CHID1: variants seen among roughly 807,000 people sequenced by gnomAD.
CHID1 encodes the protein chitinase domain-containing protein 1.
CHID1 carries 44 observed loss-of-function variants against 55.4 expected under a neutral mutation model. The ratio of observed to expected loss-of-function variants is 0.79; its 90% CI spans 0.62 to 1.02. The LOEUF is 1.02. Among genes scored for constraint, CHID1 ranks in the 50% least tolerant of loss-of-function variants. The probability of loss-of-function intolerance (pLI) is 0.00; values close to 1 mark genes in which losing one functional copy is unlikely to be tolerated. For synonymous variants in CHID1, 216 were observed against 212.9 expected (o/e 1.01, Z -0.13); for missense variants, 491 against 515.3 (o/e 0.95, Z 0.46).
Position 870,500 on chromosome 11 carries a change from C to T in CHID1, c.960-1G>A, listed in dbSNP as rs1392145477. On this transcript the variant is annotated splice_acceptor_variant, in intron 10 of 12. Transcript: ENST00000323578. LOFTEE classifies it high-confidence loss of function. Reference sequence around the variant, plus strand: ...GTGGTCCTTCAGTGTCTGGATGTACCTGGGGAGACCAGGATATGGATTTGG... The same window carrying T: ...GTGGTCCTTCAGTGTCTGGATGTACTTGGGGAGACCAGGATATGGATTTGG... 1.9e-6 allele frequency: 3 copies of T among 1,605,978 alleles called. No individual in the cohort carries two copies.
At chr11:885,713 C>T (rs1271102555) in intron 8 of CHID1, among the ~76,000 whole-genome samples, 1 of 152,202 alleles carries the variant, frequency 6.6e-6, no homozygotes, top group African/African-American at 2.4e-5. Flanking sequence ...CAGGTCCTCT[C>T]ACCGAAACCC....
In CHID1 at chr11:870,631, GACA is replaced by G. The variant is rs1849113121; in HGVS notation, c.960-135_960-133del. 10 of 655,522 alleles carry G rather than the reference GACA, an allele frequency of 1.5e-5. 1 individual carries two copies. The highest frequency in any genetic ancestry group is 8.8e-5 in the South Asian group (5 of 56,968). The allele number at this position is 655,522 out of a possible 1,614,324, so 40.6% of individuals were successfully genotyped here. Reference sequence around the variant, plus strand: ...AGCCACTGTCCCCAGTGGTCTGGGGGACAACACCTGGTGGGGTGGCCAGAGCCC... The same window carrying G: ...AGCCACTGTCCCCAGTGGTCTGGGGGACACCTGGTGGGGTGGCCAGAGCCC... On this transcript the variant is annotated intron_variant, in intron 10 of 12. Coordinates refer to ENST00000323578, the MANE Select transcript of CHID1 (RefSeq NM_023947.4).
intron 1 of CHID1, 33 bp from the exon 2 acceptor site, chr11:904,892 G>T (rs766124134): frequency 1.2e-6 from 2 of 1,606,530 alleles, no homozygotes; most frequent in East Asian, 4.5e-5. Flanking sequence ...TCAAACAACC[G>T]GCAGAGAAAT....
In CHID1 at chr11:888,001, G is replaced by C. The variant is rs558998191; in HGVS notation, c.702-3832C>G. On this transcript the variant is annotated intron_variant, in intron 8 of 12. Transcript: ENST00000323578. ...GCGTCCACCAGAAATGCAGCTCCAC[G>C]ACATCCCCAAGCAGGAAGGGGCAGT... Among the ~76,000 whole-genome samples the C allele has an allele frequency of 2.0e-5, 3 of 152,286 alleles. No individual in the cohort carries two copies. The East Asian group carries it at 5.8e-4, about 29-fold the overall frequency.
chr11:894,569 T>C (rs1198667658), intron 7 of CHID1, among the ~76,000 whole-genome samples: 1 of 152,168 alleles, frequency 6.6e-6, no homozygotes, highest in Non-Finnish European at 1.5e-5. Context: ...TTACCGCACG[T>C]AGGAGACTGT....
intron 10 of CHID1, among the ~76,000 whole-genome samples, chr11:873,098 G>A (rs1478417169): frequency 6.6e-6 from 1 of 152,144 alleles, no homozygotes; most frequent in Admixed American, 6.5e-5. Context: ...TGGAGCCCAG[G>A]TGCTGGGTGG....
chr11:906,910 C>T (rs1377693198), intron 1 of CHID1, among the ~76,000 whole-genome samples: 9 of 152,138 alleles, frequency 5.9e-5, no homozygotes. Context: ...TGCCTGTAAT[C>T]CCAGCTTCTC....
intron 1 of CHID1, among the ~76,000 whole-genome samples, chr11:905,063 T>C (rs967013731): frequency 1.4e-4 from 22 of 152,184 alleles, no homozygotes; most frequent in Non-Finnish European, 3.1e-4. Flanking sequence ...GCCTCCTGAC[T>C]GAGCCACTGG....
chr11:881,139 C>A (rs945721299), intron 10 of CHID1, among the ~76,000 whole-genome samples: 13 of 152,170 alleles, frequency 8.5e-5, no homozygotes, highest in Non-Finnish European at 1.5e-4. Context: ...CCCAAGCAAG[C>A]CTCTAGAGAA....
rs1849475143 is a variant in CHID1 at position 875,845 on chromosome 11, G to A, written c.960-5346C>T. 6.6e-6 allele frequency among the ~76,000 whole-genome samples: 1 copy of A among 152,282 alleles called. No homozygotes were observed. The highest frequency in any genetic ancestry group is 1.5e-5 in the Non-Finnish European group (1 of 68,040). On this transcript the variant is annotated intron_variant, in intron 10 of 12. Coordinates refer to ENST00000323578, the MANE Select transcript of CHID1 (RefSeq NM_023947.4). This position sits in a 1 kb window ranked among gnomAD's most constrained non-coding sequence, Gnocchi z 4.7. ...GCTGCCGGCCTCCCAGACGTCCCCT[G>A]GCGGGTGACAGACAGGATGAAGGAA...
At chr11:909,498 A>G (rs776405529) in intron 1 of CHID1, among the ~76,000 whole-genome samples, 6 of 152,168 alleles carry the variant, frequency 3.9e-5, no homozygotes, top group Non-Finnish European at 8.8e-5. Flanking sequence ...GGTGGTGTTG[A>G]TGGAAATGAT....
chr11:906,307 T>C (rs989189137), intron 1 of CHID1, among the ~76,000 whole-genome samples: 2 of 151,720 alleles, frequency 1.3e-5, no homozygotes, highest in African/African-American at 4.9e-5. Flanking sequence ...GGCGCCATCT[T>C]GGCTCACTGC....
At position 869,586 on chromosome 11, in the gene CHID1, A is replaced by C; in HGVS notation, c.*272T>G. ...GCCAGGCTGTCCTGGTGGGGCAGGT[A>C]CTGTGGGCCCCGCCTGCCCAGCTGA... On this transcript the variant is annotated 3_prime_UTR_variant, in exon 13 of 13. Transcript: ENST00000323578. The C allele has an allele frequency of 3.6e-6, 2 of 556,278 alleles. No homozygotes were observed. Among genetic ancestry groups the C allele is most frequent in the Non-Finnish European group, 6.4e-6 (2 of 310,150 alleles). The allele number at this position is 556,278 out of a possible 1,614,324, so 34.5% of individuals were successfully genotyped here.
chr11:885,784 C>T (rs1209036389), intron 8 of CHID1, among the ~76,000 whole-genome samples: 2 of 152,104 alleles, frequency 1.3e-5, no homozygotes, highest in African/African-American at 2.4e-5. Flanking sequence ...TGGAGTGCAG[C>T]GGCACGATCC....
upstream of CHID1, chr11:914,767 G>A: frequency 5.8e-6 from 2 of 344,228 alleles, no homozygotes; most frequent in Non-Finnish European, 1.1e-5. Context: ...GAGGTGCCTG[G>A]TGGCTGTGGG....
At chr11:878,476 T>C (rs988260593) in intron 10 of CHID1, among the ~76,000 whole-genome samples, 1 of 151,824 alleles carries the variant, frequency 6.6e-6, no homozygotes, top group African/African-American at 2.4e-5. Context: ...TGAGGCAGAA[T>C]TGCTTGAACC....
rs565452064 is a variant in CHID1, at chr11:890,358, G to A, written c.701+3069C>T. Among the ~76,000 whole-genome samples the A allele has an allele frequency of 9.2e-5, 14 of 152,354 alleles. 1 individual carries two copies. In the East Asian group the frequency reaches 1.7e-3, roughly 19 times the overall value. On this transcript the variant is annotated intron_variant, in intron 8 of 12. Transcript: ENST00000323578. ...TGCTTGCTGGGGATACGGTGACGGC[G>A]CCCCCATGCGTCACCTTTCTCTGAC...
At chr11:907,638 T>C (rs1413822499) in intron 1 of CHID1, among the ~76,000 whole-genome samples, 2 of 152,204 alleles carry the variant, frequency 1.3e-5, no homozygotes, top group African/African-American at 4.8e-5. Flanking sequence ...TTCACAGCTC[T>C]GGCAGCACAG....
intron 6 of CHID1, 125 bp from the exon 7 acceptor site, chr11:899,526 C>T: frequency 3.6e-6 from 3 of 832,202 alleles, no homozygotes; most frequent in Non-Finnish European, 5.8e-6. Flanking sequence ...AGGCAAGACC[C>T]AAGCCTGGGC....
Sources: allele counts gnomAD v4.1 joint callset (sites outside exome capture counted in the v4.1 genomes callset), GRCh38; gene constraint gnomAD v4.1.1; non-coding constraint Gnocchi (gnomAD v3.1); transcripts MANE v1.5; gene names NCBI Gene and HGNC (gene_info 2026-07-23, HGNC 2026-07-21).